GALNT13: variants seen among roughly 807,000 people sequenced by gnomAD.
The protein encoded by GALNT13 is UDP-GalNAc:polypeptide N-acetylgalactosaminyltransferase 13.
In GALNT13, 28 loss-of-function variants were observed where a neutral mutation model predicts 64.2. The ratio of observed to expected loss-of-function variants is 0.44; its 90% CI spans 0.32 to 0.60. The LOEUF (loss-of-function observed/expected upper bound fraction) is 0.60. Ranked by LOEUF, GALNT13 falls within the 20% of genes least tolerant of loss-of-function variation. The pLI is 0.05. For synonymous variants in GALNT13, 214 were observed against 224.6 expected, an observed-to-expected ratio of 0.95 and a Z score of 0.42; for missense variants, 577 against 669.8, an observed-to-expected ratio of 0.86 and a Z score of 1.53.
At chr2:154,367,080 A>C (rs147299096) in intron 9 of GALNT13, among the ~76,000 whole-genome samples, 139 of 152,282 alleles carry the variant, frequency 9.1e-4, no homozygotes, top group Non-Finnish European at 1.6e-3. Flanking sequence ...TTTTAAAAAA[A>C]AATTGAAATT....
intron 4 of GALNT13, among the ~76,000 whole-genome samples, chr2:154,150,028 A>G (rs945107604): frequency 3.3e-5 from 5 of 152,158 alleles, no homozygotes; most frequent in African/African-American, 1.2e-4. Flanking sequence ...GAATGCTTCC[A>G]GTTTTTGCCC....
intron 2 of GALNT13, among the ~76,000 whole-genome samples, chr2:153,911,819 T>G (rs1688960563): frequency 6.6e-6 from 1 of 152,148 alleles, no homozygotes; most frequent in Non-Finnish European, 1.5e-5. Context: ...GACCTGTCCT[T>G]TGTCTCTTGG....
At chr2:153,350,962 A>G in the GALNT13 span, among the ~76,000 whole-genome samples, 1 of 152,258 alleles carries the variant, frequency 6.6e-6, no homozygotes, top group South Asian at 2.1e-4. Flanking sequence ...GTACTGCTCC[A>G]ATTTTGTAAT....
chr2:153,958,910 C>T (rs1015143370), intron 3 of GALNT13, among the ~76,000 whole-genome samples: 1 of 152,136 alleles, frequency 6.6e-6, no homozygotes, highest in African/African-American at 2.4e-5. Context: ...ACACCAAAAA[C>T]AAAAATATTT....
chr2:154,228,646 T>C (rs1056862144), intron 4 of GALNT13, among the ~76,000 whole-genome samples: 1 of 152,144 alleles, frequency 6.6e-6, no homozygotes, highest in African/African-American at 2.4e-5. Flanking sequence ...GAGCTCAGTC[T>C]CAAATCTATT....
chr2:154,116,808 C>T (rs1326691246), intron 3 of GALNT13, among the ~76,000 whole-genome samples: 2 of 152,138 alleles, frequency 1.3e-5, no homozygotes, highest in East Asian at 3.9e-4. Context: ...GAACACCATC[C>T]TTAATATTCT....
At chr2:153,875,429 A>G (rs149559107) in intron 1 of GALNT13, among the ~76,000 whole-genome samples, 90 of 152,308 alleles carry the variant, frequency 5.9e-4, no homozygotes, top group African/African-American at 2.1e-3. Flanking sequence ...GAGACCTTCT[A>G]TTTGTTTTAC....
intron 9 of GALNT13, among the ~76,000 whole-genome samples, chr2:154,336,652 A>G (rs929919033): frequency 6.6e-5 from 10 of 152,158 alleles, no homozygotes; most frequent in Non-Finnish European, 1.0e-4. Flanking sequence ...CTTTTTTACT[A>G]TAATTATAAA....
chr2:153,517,632 G>T, the GALNT13 span, among the ~76,000 whole-genome samples: 1 of 152,080 alleles, frequency 6.6e-6, no homozygotes, highest in Non-Finnish European at 1.5e-5. Flanking sequence ...TACTATAAAT[G>T]AATAATTGAA....
chr2:154,013,821 C>T (rs2105255963), intron 3 of GALNT13, among the ~76,000 whole-genome samples: 1 of 152,274 alleles, frequency 6.6e-6, no homozygotes, highest in South Asian at 2.1e-4. Context: ...TCGGTCGGCC[C>T]TTGCGCACAC....
At chr2:153,787,556 A>C in the GALNT13 span, among the ~76,000 whole-genome samples, 4 of 152,178 alleles carry the variant, frequency 2.6e-5, no homozygotes, top group Non-Finnish European at 4.4e-5. Context: ...CCTCCAAACA[A>C]CTGCACTAGT....
chr2:153,195,411 C>G, the GALNT13 span, among the ~76,000 whole-genome samples: 1 of 152,188 alleles, frequency 6.6e-6, no homozygotes, highest in African/African-American at 2.4e-5. Flanking sequence ...TAGGGTCCAG[C>G]CACTGTGCAG....
the GALNT13 span, among the ~76,000 whole-genome samples, chr2:153,732,889 T>C: frequency 7.2e-5 from 11 of 152,096 alleles, 1 homozygote; most frequent in African/African-American, 2.2e-4. Flanking sequence ...TAGGAACTTA[T>C]AGGATGTCTT....
chr2:153,582,125 T>G, the GALNT13 span, among the ~76,000 whole-genome samples: 1 of 152,166 alleles, frequency 6.6e-6, no homozygotes, highest in Non-Finnish European at 1.5e-5. Flanking sequence ...AAATGCTTGT[T>G]GTTTCTGGAT....
the GALNT13 span, among the ~76,000 whole-genome samples, chr2:153,816,755 T>G: frequency 6.6e-6 from 1 of 152,320 alleles, no homozygotes; most frequent in Non-Finnish European, 1.5e-5. Flanking sequence ...AGATTTTAGG[T>G]CAGTCTTACT....
intron 3 of GALNT13, among the ~76,000 whole-genome samples, chr2:153,951,786 C>T (rs908134481): frequency 6.6e-6 from 1 of 152,034 alleles, no homozygotes; most frequent in African/African-American, 2.4e-5. Flanking sequence ...CTTTAATGGA[C>T]ATTTTTCTAA....
At chr2:153,102,850 T>A in the GALNT13 span, among the ~76,000 whole-genome samples, 14,100 of 152,156 alleles carry the variant, frequency 0.093, 678 homozygotes, top group Middle Eastern at 0.13. Context: ...TTACCAATAT[T>A]GTCATGGCAG....
intron 9 of GALNT13, among the ~76,000 whole-genome samples, chr2:154,325,813 A>G (rs1321626072): frequency 6.6e-6 from 1 of 152,070 alleles, no homozygotes; most frequent in African/African-American, 2.4e-5. Context: ...TACTCTTTCA[A>G]TATGGTATAT....
At chr2:153,607,169 G>T in the GALNT13 span, among the ~76,000 whole-genome samples, 1 of 151,926 alleles carries the variant, frequency 6.6e-6, no homozygotes, top group Non-Finnish European at 1.5e-5. Context: ...TGAAACCCTG[G>T]ATTGATACAT....
Sources: allele counts gnomAD v4.1 joint callset (sites outside exome capture counted in the v4.1 genomes callset), GRCh38; gene constraint gnomAD v4.1.1; transcripts MANE v1.5; gene names NCBI Gene and HGNC (gene_info 2026-07-23, HGNC 2026-07-21).